Variants in GRIK4 observed in about 807,000 individuals in gnomAD.
GRIK4 encodes the protein glutamate receptor ionotropic, kainate 4.
A neutral mutation model predicts 104.9 loss-of-function variants in GRIK4; 40 were observed. The observed-to-expected ratio is 0.38, with a 90% CI of 0.30 to 0.50. The LOEUF is 0.50. Among genes scored for constraint, GRIK4 ranks in the 20% least tolerant of loss-of-function variants. The pLI is 0.93. For synonymous variants in GRIK4, 485 were observed against 524.9 expected (o/e 0.92, Z 1.04); for missense variants, 1,047 against 1,308.1 (o/e 0.80, Z 3.08).
intron 13 of GRIK4, among the ~76,000 whole-genome samples, chr11:120,914,483 G>C (rs1943064515): frequency 6.6e-6 from 1 of 152,166 alleles, no homozygotes; most frequent in Non-Finnish European, 1.5e-5. Flanking sequence ...TGTGGTACAG[G>C]AGTAGGGAAG....
intron 3 of GRIK4, among the ~76,000 whole-genome samples, chr11:120,740,025 G>A (rs978299978): frequency 2.6e-5 from 4 of 152,138 alleles, no homozygotes; most frequent in Non-Finnish European, 5.9e-5. Flanking sequence ...GCTGTGTTTG[G>A]GAAACACAGA....
At chr11:120,635,767 G>C (rs1041234435) in intron 1 of GRIK4, among the ~76,000 whole-genome samples, 1 of 152,168 alleles carries the variant, frequency 6.6e-6, no homozygotes, top group Non-Finnish European at 1.5e-5. Context: ...TATCTCATTT[G>C]TCTTAAAAAT....
chr11:120,969,503 T>C (rs768062698), intron 19 of GRIK4, among the ~76,000 whole-genome samples: 2 of 150,940 alleles, frequency 1.3e-5, no homozygotes, highest in African/African-American at 2.4e-5. Context: ...ATTTGGGGAG[T>C]TGGGTTGTGT....
At chr11:120,936,362 A>C in intron 13 of GRIK4, 1 of 465,056 alleles carries the variant, frequency 2.2e-6, no homozygotes, top group East Asian at 6.1e-5. Flanking sequence ...TGAAGGTCAA[A>C]GGAGGCCTCT....
intron 11 of GRIK4, among the ~76,000 whole-genome samples, chr11:120,887,221 C>A (rs146641230): frequency 6.6e-6 from 1 of 152,314 alleles, no homozygotes; most frequent in East Asian, 1.9e-4. Flanking sequence ...TGGAGAGGAG[C>A]CTTCCTTGTA....
At chr11:120,684,742 G>A (rs558622845) in intron 3 of GRIK4, among the ~76,000 whole-genome samples, 7 of 151,536 alleles carry the variant, frequency 4.6e-5, no homozygotes, top group African/African-American at 7.3e-5. Flanking sequence ...ACGGAGTCTC[G>A]CTCTGTCGCC....
intron 19 of GRIK4, among the ~76,000 whole-genome samples, chr11:120,977,340 T>G (rs751272568): frequency 6.6e-6 from 1 of 152,202 alleles, no homozygotes; most frequent in Admixed American, 6.5e-5. Flanking sequence ...CCAGTCCCCC[T>G]TGCCATTGCT....
chr11:120,534,012 G>A (rs1947947253), intron 1 of GRIK4, among the ~76,000 whole-genome samples: 2 of 152,228 alleles, frequency 1.3e-5, no homozygotes, highest in South Asian at 4.1e-4. Flanking sequence ...GTAATGTGGA[G>A]GATGGTGGCC....
chr11:120,618,479 G>A (rs1591743402), intron 1 of GRIK4, among the ~76,000 whole-genome samples: 2 of 152,230 alleles, frequency 1.3e-5, no homozygotes, highest in Admixed American at 6.5e-5. Flanking sequence ...GTACAAATTT[G>A]CATAAGTAAA....
At chr11:120,797,714 A>C (rs1952546873) in intron 3 of GRIK4, among the ~76,000 whole-genome samples, 1 of 152,228 alleles carries the variant, frequency 6.6e-6, no homozygotes, top group Non-Finnish European at 1.5e-5. Context: ...TGGGAGGTAG[A>C]GAGGACAGGA....
At chr11:120,895,814 A>T (rs990566452) in intron 11 of GRIK4, among the ~76,000 whole-genome samples, 1 of 152,224 alleles carries the variant, frequency 6.6e-6, no homozygotes, top group Non-Finnish European at 1.5e-5. Context: ...GGCTTGACAC[A>T]TCTAACACAT....
At chr11:120,859,192 G>T (rs1409270700) in intron 8 of GRIK4, 1 of 152,084 alleles carries the variant, frequency 6.6e-6, no homozygotes. Context: ...GAGGCAGAAA[G>T]CCAGAAGCTA....
At position 120,980,325 on chromosome 11, in the gene GRIK4, A is replaced by T. The variant is rs145047306; in HGVS notation, c.2396-1781A>T. 2.9e-3 allele frequency among the ~76,000 whole-genome samples: 449 copies of T among 152,248 alleles called. 1 individual carries two copies. Among genetic ancestry groups the T allele is most frequent in the Non-Finnish European group, 5.4e-3 (365 of 68,018 alleles). On this transcript the variant is annotated intron_variant, in intron 19 of 20. Coordinates refer to ENST00000527524, the MANE Select transcript of GRIK4 (RefSeq NM_014619.5). ...CGACAGGGGCTGGCCAGAGAAGGTA[A>T]TTCATCCGTGTTGCACAGATACACA... is the stretch of plus-strand genomic sequence containing the variant.
At chr11:120,637,106 C>T (rs923100694) in intron 1 of GRIK4, among the ~76,000 whole-genome samples, 6 of 144,498 alleles carry the variant, frequency 4.2e-5, no homozygotes, top group Admixed American at 7.5e-5. Context: ...AGAGAAGATG[C>T]AGGAAGAAAG....
chr11:120,798,120 C>T (rs566135936), intron 3 of GRIK4, among the ~76,000 whole-genome samples: 10 of 146,694 alleles, frequency 6.8e-5, no homozygotes, highest in East Asian at 6.2e-4. Context: ...TCTATCCTCA[C>T]GTGGCGGAGA....
intron 3 of GRIK4, among the ~76,000 whole-genome samples, chr11:120,752,670 C>A (rs570914602): frequency 6.6e-6 from 1 of 152,330 alleles, no homozygotes; most frequent in Admixed American, 6.5e-5. Context: ...CTGCAGCTCT[C>A]AGGGAGGAGG....
At chr11:120,594,678 G>A (rs1273090222) in intron 1 of GRIK4, among the ~76,000 whole-genome samples, 5 of 152,104 alleles carry the variant, frequency 3.3e-5, no homozygotes, top group African/African-American at 1.2e-4. Context: ...TTCAGATATA[G>A]GGTACTTTTC....
chr11:120,717,754 G>A (rs762068359), intron 3 of GRIK4, among the ~76,000 whole-genome samples: 17 of 152,108 alleles, frequency 1.1e-4, no homozygotes, highest in Non-Finnish European at 2.2e-4. Flanking sequence ...GGGGTGTGTG[G>A]GATTCTGATC....
At chr11:120,887,408 T>A (rs1452083427) in intron 11 of GRIK4, among the ~76,000 whole-genome samples, 1 of 152,258 alleles carries the variant, frequency 6.6e-6, no homozygotes, top group East Asian at 1.9e-4. Flanking sequence ...TCTCAGGCTC[T>A]GCCCCAAGCC....
Sources: allele counts gnomAD v4.1 joint callset (sites outside exome capture counted in the v4.1 genomes callset), GRCh38; gene constraint gnomAD v4.1.1; transcripts MANE v1.5; gene names NCBI Gene and HGNC (gene_info 2026-07-23, HGNC 2026-07-21).